FAXC: variants seen among roughly 807,000 people sequenced by gnomAD.
The protein encoded by FAXC is failed axon connections homolog, metaxin like GST domain containing, also known as failed axon connections homolog.
FAXC carries 10 observed loss-of-function variants against 41.9 expected under a neutral mutation model. That is an observed-to-expected ratio of 0.24 (90% CI 0.15 to 0.41). FAXC has a LOEUF of 0.41. Among genes scored for constraint, FAXC ranks in the 10% least tolerant of loss-of-function variants. The pLI, the probability that FAXC is intolerant of heterozygous loss-of-function variation, is 1.00. For missense variants in FAXC, 399 were observed against 510.9 expected (o/e 0.78, Z 2.11); for synonymous variants, 183 against 183.8 (o/e 1.00, Z 0.03).
At chr6:99,308,314 A>G (rs1453336175) in intron 4 of FAXC, among the ~76,000 whole-genome samples, 1 of 152,242 alleles carries the variant, frequency 6.6e-6, no homozygotes, top group East Asian at 1.9e-4. Flanking sequence ...ATTTATTCTT[A>G]CAAGTGATTA....
chr6:99,317,053 C>G (rs2128458210), intron 4 of FAXC, among the ~76,000 whole-genome samples: 1 of 152,064 alleles, frequency 6.6e-6, no homozygotes, highest in South Asian at 2.1e-4. Flanking sequence ...GATCCAATGT[C>G]AACAAAGACT....
intron 5 of FAXC, among the ~76,000 whole-genome samples, chr6:99,282,532 CA>C (rs1770878880): frequency 6.6e-6 from 1 of 152,148 alleles, no homozygotes; most frequent in Admixed American, 6.6e-5. Flanking sequence ...TTATGTGAAT[CA>C]AAAGAACTCT....
At chr6:99,292,319 G>T (rs1029693393) in intron 4 of FAXC, among the ~76,000 whole-genome samples, 12 of 152,202 alleles carry the variant, frequency 7.9e-5, no homozygotes, top group African/African-American at 2.9e-4. Flanking sequence ...ACGCTACATG[G>T]TCCTGGCAAA....
In FAXC at chr6:99,280,098, C is replaced by T. The variant is rs999998549; in HGVS notation, c.*1066G>A. ...TAAATCAAACATAGGCAACGTAACA[C>T]TCTGGAGTCAACACAGAACATGCCA... On this transcript the variant is annotated 3_prime_UTR_variant, in exon 6 of 6. Coordinates refer to ENST00000389677, the MANE Select transcript of FAXC (RefSeq NM_032511.4). 1 of 152,216 alleles carries T rather than the reference C, an allele frequency of 6.6e-6. No homozygotes were observed. The allele number at this position is 152,216 out of a possible 1,614,324, so 9.4% of individuals were successfully genotyped here. A position where few individuals can be genotyped will look rare whatever the true frequency, so the allele number is the denominator to read the frequency against.
At chr6:99,304,472 C>T (rs955574270) in intron 4 of FAXC, among the ~76,000 whole-genome samples, 2 of 152,126 alleles carry the variant, frequency 1.3e-5, no homozygotes, top group Non-Finnish European at 2.9e-5. Context: ...CCACGTTTCC[C>T]TTTTTACCTT....
chr6:99,282,318 A>G (rs1417540714), intron 5 of FAXC, among the ~76,000 whole-genome samples: 1 of 152,192 alleles, frequency 6.6e-6, no homozygotes, highest in Admixed American at 6.5e-5. Flanking sequence ...TGGGCTGAGT[A>G]CCATGCCAAG....
intron 2 of FAXC, among the ~76,000 whole-genome samples, chr6:99,341,292 A>T (rs1217148626): frequency 6.6e-6 from 1 of 152,164 alleles, no homozygotes; most frequent in Non-Finnish European, 1.5e-5. Flanking sequence ...TTCTAATAAA[A>T]CAATCATTTC....
At chr6:99,291,503 A>G (rs1771239613) in intron 5 of FAXC, among the ~76,000 whole-genome samples, 1 of 152,250 alleles carries the variant, frequency 6.6e-6, no homozygotes, top group Admixed American at 6.5e-5. Flanking sequence ...TGGGCAAGAC[A>G]GCAGGTGAGA....
rs1391174877 is a variant in FAXC, at chr6:99,323,548, C to T, written c.719G>A (p.Gly240Glu). Residue 240 changes from glycine to glutamate, a missense_variant, in exon 4 of 6, where the codon GGA becomes GAA. Physicochemically the swap from Gly to Glu is moderately conservative, Grantham distance 98 (BLOSUM62 -2). Around this residue, in one of 3 missense-constraint regions of FAXC, gnomAD observed 239 missense variants for 352.7 expected, o/e 0.68. Coordinates refer to ENST00000389677, the MANE Select transcript of FAXC (RefSeq NM_032511.4). The part of the protein sequence containing the change: ...LRWVVCHITK[G>E]IVKREMHGHG... ...GCCGTGCATCTCGCGTTTCACAATT[C>T]CTTTCGTTATGTGGCACACAACCCA... The T allele has an allele frequency of 2.5e-6, 4 of 1,614,092 alleles. No homozygotes were observed. Among genetic ancestry groups the T allele is most frequent in the Non-Finnish European group, 3.4e-6 (4 of 1,180,050 alleles).
chr6:99,303,166 A>G (rs1413511783), intron 4 of FAXC, among the ~76,000 whole-genome samples: 2 of 152,206 alleles, frequency 1.3e-5, no homozygotes, highest in Non-Finnish European at 2.9e-5. Flanking sequence ...TTTGGGACCT[A>G]TTTGGTACCT....
chr6:99,347,676 G>A (rs1472302872), intron 1 of FAXC, among the ~76,000 whole-genome samples: 1 of 152,212 alleles, frequency 6.6e-6, no homozygotes, highest in Non-Finnish European at 1.5e-5. Context: ...CTGCTGAGAA[G>A]CCTCATGGTT....
intron 5 of FAXC, among the ~76,000 whole-genome samples, chr6:99,290,101 C>CCA (rs34319104): frequency 0.25 from 36,195 of 142,298 alleles, 4,983 homozygotes; most frequent in East Asian, 0.67. Context: ...CCCTACCCCA[C>CCA]CACACACACA....
chr6:99,323,772 C>T lies in FAXC; in HGVS notation c.600-105G>A. The T allele has an allele frequency of 7.5e-6, 6 of 801,696 alleles. 1 individual carries two copies. In the South Asian group the frequency reaches 1.0e-4, roughly 14 times the overall value. The allele number at this position is 801,696 out of a possible 1,614,324, so 49.7% of individuals were successfully genotyped here. ...CAGAATTTACTACACTCTGGAGGAACTGAATAACTGCAGCTTTAATAAAGA... is the reference window on the plus strand; with the variant it reads ...CAGAATTTACTACACTCTGGAGGAATTGAATAACTGCAGCTTTAATAAAGA... On this transcript the variant is annotated intron_variant, in intron 3 of 5. Transcript: ENST00000389677.
At chr6:99,344,846 G>A (rs1210723464) in intron 1 of FAXC, among the ~76,000 whole-genome samples, 1 of 152,116 alleles carries the variant, frequency 6.6e-6, no homozygotes, top group East Asian at 1.9e-4. Flanking sequence ...AAAAATCCCT[G>A]CTCCATCAGC....
rs1770445581 is a variant in FAXC, at chr6:99,272,434, C to G, written c.*8730G>C. On this transcript the variant is annotated 3_prime_UTR_variant, in exon 6 of 6. Coordinates refer to ENST00000389677, the MANE Select transcript of FAXC (RefSeq NM_032511.4). ...AGGTGATCTGCCCACCTTGGCCTCCCAAAGTCCTGGGATTACAGGCATGAG... is the reference window on the plus strand; with the variant it reads ...AGGTGATCTGCCCACCTTGGCCTCCGAAAGTCCTGGGATTACAGGCATGAG... 1 of 152,362 alleles carries G rather than the reference C, an allele frequency of 6.6e-6. No homozygotes were observed. The highest frequency in any genetic ancestry group is 2.4e-5 in the African/African-American group (1 of 41,428). The allele number at this position is 152,362 out of a possible 1,614,324, so 9.4% of individuals were successfully genotyped here.
intron 4 of FAXC, among the ~76,000 whole-genome samples, chr6:99,309,649 A>T (rs1345320165): frequency 6.6e-6 from 1 of 152,186 alleles, no homozygotes; most frequent in Non-Finnish European, 1.5e-5. Context: ...TCTGGAATGG[A>T]GAGGCTGAGT....
rs1433779784 is a variant in FAXC, at chr6:99,277,984, G to A, written c.*3180C>T. 6.6e-6 allele frequency: 1 copy of A among 152,162 alleles called. No individual in the cohort carries two copies. Among genetic ancestry groups the A allele is most frequent in the Admixed American group, 6.5e-5 (1 of 15,270 alleles). The allele number at this position is 152,162 out of a possible 1,614,324, so 9.4% of individuals were successfully genotyped here. On this transcript the variant is annotated 3_prime_UTR_variant, in exon 6 of 6. Transcript: ENST00000389677. The stretch of plus-strand genomic sequence containing the variant: ...AAGACCCACAAGGCCAAAATCCTTA[G>A]TATGTCTGTTCCTTGAACCTTAGCT...
At chr6:99,290,046 T>C (rs1771173481) in intron 5 of FAXC, among the ~76,000 whole-genome samples, 1 of 150,576 alleles carries the variant, frequency 6.6e-6, no homozygotes, top group Non-Finnish European at 1.5e-5. Flanking sequence ...TGAACAATCA[T>C]AAGTCAAACA....
chr6:99,301,174 T>C (rs1771690991), intron 4 of FAXC, among the ~76,000 whole-genome samples: 1 of 152,262 alleles, frequency 6.6e-6, no homozygotes, highest in South Asian at 2.1e-4. Flanking sequence ...ACGGATCCCT[T>C]AGGAGGAAAC....
Sources: allele counts gnomAD v4.1 joint callset (sites outside exome capture counted in the v4.1 genomes callset), GRCh38; gene constraint gnomAD v4.1.1; regional missense constraint gnomAD v4.1.1; transcripts MANE v1.5; gene names NCBI Gene and HGNC (gene_info 2026-07-23, HGNC 2026-07-21).